Variants in ZBBX observed in about 807,000 individuals in gnomAD.
ZBBX encodes the protein zinc finger B-box domain containing.
A neutral mutation model predicts 108.5 loss-of-function variants in ZBBX; 101 were observed. The observed-to-expected ratio is 0.93, with a 90% CI of 0.79 to 1.10. The LOEUF (loss-of-function observed/expected upper bound fraction) is 1.10, where lower values mean the gene tolerates loss of function less well. Among genes scored for constraint, ZBBX ranks in the 50% least tolerant of loss-of-function variants. ZBBX has a pLI of 0.00. For missense variants in ZBBX, 1,009 were observed against 941.4 expected, an observed-to-expected ratio of 1.07 and a Z score of -0.94; for synonymous variants, 356 against 323.4, an observed-to-expected ratio of 1.10 and a Z score of -1.08.
chr3:167,247,238 G>A (rs1480706073), intron 20 of ZBBX, among the ~76,000 whole-genome samples: 7 of 152,132 alleles, frequency 4.6e-5, no homozygotes, highest in Admixed American at 2.0e-4. Context: ...GTGGTTGGAC[G>A]GCAAGAGGAC....
chr3:167,191,932 T>TAGAGAGAGAGAG, the ZBBX span, among the ~76,000 whole-genome samples: 339 of 128,024 alleles, frequency 2.6e-3, 6 homozygotes, highest in African/African-American at 0.01. Flanking sequence ...TATATATATA[T>TAGAGAGAGAGAG]ATAGAGCAAG....
chr3:167,350,602 T>C, intron 8 of ZBBX, 87 bp from the exon 9 acceptor site: 1 of 936,620 alleles, frequency 1.1e-6, no homozygotes, highest in Non-Finnish European at 1.5e-6. Context: ...TCTTGTTTTT[T>C]AATATTTATT....
intron 8 of ZBBX, among the ~76,000 whole-genome samples, chr3:167,352,139 AAGATC>A (rs1742767435): frequency 6.6e-6 from 1 of 152,196 alleles, no homozygotes; most frequent in South Asian, 2.1e-4. Context: ...AGAAATAACA[AAGATC>A]AGAGAAGAAA....
intron 1 of ZBBX, among the ~76,000 whole-genome samples, chr3:167,387,361 G>C (rs1747949787): frequency 6.6e-6 from 1 of 151,982 alleles, no homozygotes; most frequent in Non-Finnish European, 1.5e-5. Context: ...TCAGAAAAAG[G>C]ATACTTGCTC....
intron 1 of ZBBX, among the ~76,000 whole-genome samples, chr3:167,398,431 T>C (rs935281173): frequency 6.6e-6 from 1 of 152,092 alleles, no homozygotes; most frequent in Non-Finnish European, 1.5e-5. Flanking sequence ...AAATAAAATA[T>C]CTTCACTGCT....
At chr3:167,210,062 C>T in the ZBBX span, among the ~76,000 whole-genome samples, 1 of 151,124 alleles carries the variant, frequency 6.6e-6, no homozygotes, top group East Asian at 1.9e-4. Flanking sequence ...TGCACTCCAG[C>T]CTAGGTGACA....
At chr3:167,272,440 C>G (rs1276049600) in intron 20 of ZBBX, among the ~76,000 whole-genome samples, 2 of 152,100 alleles carry the variant, frequency 1.3e-5, no homozygotes, top group Non-Finnish European at 2.9e-5. Context: ...CTGGGAAGGA[C>G]CCTATCTAGT....
At position 167,268,345 on chromosome 3, in the gene ZBBX, G is replaced by A. The variant is rs928326882; in HGVS notation, c.2254+13893C>T. Among the ~76,000 whole-genome samples, 10 of 151,912 alleles carry A rather than the reference G, an allele frequency of 6.6e-5. No individual in the cohort carries two copies. The East Asian group carries it at 1.9e-3, about 29-fold the overall frequency. ...TCTTCTCGGGGGAAGAAAGAGGGAT[G>A]ATCAGTAGGGCTGCTATGGTAATTT... On this transcript the variant is annotated intron_variant, in intron 20 of 21. Transcript: ENST00000675490.
chr3:167,330,677 A>G (rs758503245), intron 10 of ZBBX, among the ~76,000 whole-genome samples: 1 of 151,580 alleles, frequency 6.6e-6, no homozygotes, highest in African/African-American at 2.4e-5. Context: ...GGAATGTTTG[A>G]GCATGGGAGG....
chr3:167,261,749 GTCCC>G (rs1724566574), intron 20 of ZBBX, among the ~76,000 whole-genome samples: 1 of 127,386 alleles, frequency 7.9e-6, no homozygotes, highest in African/African-American at 3.1e-5. Context: ...TTGAAAACTT[GTCCC>G]AGGCTACCCG....
At chr3:167,312,664 A>G (rs1734788527) in intron 16 of ZBBX, among the ~76,000 whole-genome samples, 1 of 152,182 alleles carries the variant, frequency 6.6e-6, no homozygotes, top group Admixed American at 6.5e-5. Flanking sequence ...TATGTGCATC[A>G]TTTTCTTAGA....
chr3:167,320,860 C>G (rs1736325703), intron 12 of ZBBX, among the ~76,000 whole-genome samples: 1 of 151,826 alleles, frequency 6.6e-6, no homozygotes. Flanking sequence ...TATGAAACAC[C>G]TGGCAAGTAC....
rs1183992740 is a variant in ZBBX, at chr3:167,322,159, A to G, written c.941T>C (p.Ile314Thr). The G allele has an allele frequency of 7.0e-7, 1 of 1,434,790 alleles. No individual in the cohort carries two copies. The allele number at this position is 1,434,790 out of a possible 1,614,324, so 88.9% of individuals were successfully genotyped here. The change falls in exon 12 of 22, where the codon ATT becomes ACT. Residue 314 changes from isoleucine to threonine, a missense_variant. Physicochemically the swap from Ile to Thr is moderately conservative, Grantham distance 89 (BLOSUM62 -1). Transcript: ENST00000675490. ...CCATAATTTTTCCATATAGGATAGA[A>G]TGTCTTCTTTAAGTTCAATATTAAG... Reference protein sequence around the residue: ...EPLNIELKEDILSYMEKLWLK... With the variant: ...EPLNIELKEDTLSYMEKLWLK...
At chr3:167,273,131 T>TAGAAG (rs1726846364) in intron 20 of ZBBX, among the ~76,000 whole-genome samples, 1 of 152,218 alleles carries the variant, frequency 6.6e-6, no homozygotes, top group Non-Finnish European at 1.5e-5. Flanking sequence ...AGCTTTCTTC[T>TAGAAG]AATCAGACTG....
At chr3:167,350,801 T>C (rs1021899046) in intron 8 of ZBBX, among the ~76,000 whole-genome samples, 2 of 152,100 alleles carry the variant, frequency 1.3e-5, no homozygotes, top group South Asian at 2.1e-4. Flanking sequence ...ATATTTTAGA[T>C]GCATGGATGT....
chr3:167,210,506 T>C, the ZBBX span, among the ~76,000 whole-genome samples: 344 of 152,238 alleles, frequency 2.3e-3, no homozygotes, highest in Non-Finnish European at 4.0e-3. Context: ...AAAGGGATAA[T>C]AACAAAGAAC....
the ZBBX span, among the ~76,000 whole-genome samples, chr3:167,216,545 G>A: frequency 6.6e-6 from 1 of 152,044 alleles, no homozygotes. Context: ...TGGCTATCCT[G>A]CCCAAAGCAT....
chr3:167,188,000 T>C, the ZBBX span, among the ~76,000 whole-genome samples: 10 of 152,180 alleles, frequency 6.6e-5, no homozygotes. Context: ...CAGAATTACG[T>C]ATTTTCCAAA....
chr3:167,337,264 T>C (rs1245070774), intron 9 of ZBBX, among the ~76,000 whole-genome samples: 2 of 152,152 alleles, frequency 1.3e-5, no homozygotes, highest in Non-Finnish European at 2.9e-5. Flanking sequence ...ATGCCTGTAA[T>C]TCGAACACTT....
Sources: allele counts gnomAD v4.1 joint callset (sites outside exome capture counted in the v4.1 genomes callset), GRCh38; gene constraint gnomAD v4.1.1; transcripts MANE v1.5; gene names NCBI Gene and HGNC (gene_info 2026-07-23, HGNC 2026-07-21).